Variants in STRBP observed in about 807,000 individuals in gnomAD.
STRBP encodes spermatid perinuclear RNA binding protein.
STRBP carries 13 observed loss-of-function variants against 80.1 expected under a neutral mutation model. The ratio of observed to expected loss-of-function variants is 0.16; its 90% CI spans 0.11 to 0.26. The LOEUF (loss-of-function observed/expected upper bound fraction) is 0.26. STRBP is among the 10% of genes least tolerant of loss of function. The probability of loss-of-function intolerance (pLI) is 1.00; values close to 1 mark genes in which losing one functional copy is unlikely to be tolerated. For synonymous variants in STRBP, 284 were observed against 291.2 expected, an observed-to-expected ratio of 0.98 and a Z score of 0.25; for missense variants, 485 against 815.2, an observed-to-expected ratio of 0.59 and a Z score of 4.93.
At chr9:123,238,668 T>C (rs1220028562) in intron 1 of STRBP, among the ~76,000 whole-genome samples, 1 of 152,136 alleles carries the variant, frequency 6.6e-6, no homozygotes, top group Non-Finnish European at 1.5e-5. Flanking sequence ...AATTGATAAA[T>C]AGTTAAGATT....
At chr9:123,128,182 A>AGT in intron 18 of STRBP, 32 bp downstream of exon 18, 2 of 1,613,390 alleles carry the variant, frequency 1.2e-6, no homozygotes, top group South Asian at 2.2e-5. Context: ...GACAGTCGCT[A>AGT]AGAGGAGATA....
At chr9:123,190,763 C>T (rs1323414826) in intron 2 of STRBP, among the ~76,000 whole-genome samples, 1 of 152,210 alleles carries the variant, frequency 6.6e-6, no homozygotes, top group Non-Finnish European at 1.5e-5. Flanking sequence ...TGAATATTTA[C>T]TGTCAGTGAG....
At chr9:123,212,783 T>C (rs2039756310) in intron 2 of STRBP, 1 of 152,230 alleles carries the variant, frequency 6.6e-6, no homozygotes, top group Non-Finnish European at 1.5e-5. Flanking sequence ...TACAGCGTTA[T>C]ACAAAGCAAT....
chr9:123,202,279 T>C (rs2039354712), intron 2 of STRBP, among the ~76,000 whole-genome samples: 1 of 152,212 alleles, frequency 6.6e-6, no homozygotes, highest in African/African-American at 2.4e-5. Context: ...AGTTTGTTTG[T>C]TTGCTTTTTT....
In STRBP at chr9:123,197,667, CTTTTTTTTTTTTT is replaced by C. The variant is rs71388358; in HGVS notation, c.-164-13382_-164-13370del. Among the ~76,000 whole-genome samples, 8 of 87,382 alleles carry C rather than the reference CTTTTTTTTTTTTT, an allele frequency of 9.2e-5. No individual in the cohort carries two copies. In the South Asian group the frequency reaches 2.3e-3, roughly 25 times the overall value. The allele number at this position is 87,382 out of a possible 152,430, so 57.3% of individuals were successfully genotyped here. A position where few individuals can be genotyped will look rare whatever the true frequency, so the allele number is the denominator to read the frequency against. Reference sequence around the variant, plus strand: ...ATACAAGTTGCTGTGAAACATATTTCTTTTTTTTTTTTTTTTTTTTTTTTTGACACGGAGTCTC... The same window carrying C: ...ATACAAGTTGCTGTGAAACATATTTCTTTTTTTTTTTTGACACGGAGTCTC... On this transcript the variant is annotated intron_variant, in intron 2 of 18. Coordinates refer to ENST00000348403, the MANE Select transcript of STRBP (RefSeq NM_018387.5).
intron 2 of STRBP, among the ~76,000 whole-genome samples, chr9:123,229,064 G>A (rs1256511023): frequency 6.6e-6 from 1 of 152,162 alleles, no homozygotes; most frequent in East Asian, 1.9e-4. Context: ...ATTATGCTAA[G>A]GGAAAGAAGC....
At chr9:123,130,288 T>G (rs571057844) in intron 17 of STRBP, among the ~76,000 whole-genome samples, 1 of 152,310 alleles carries the variant, frequency 6.6e-6, no homozygotes, top group East Asian at 1.9e-4. Context: ...ACTGTGCAAA[T>G]GGTATATAAC....
chr9:123,154,623 T>C (rs1440452801), intron 11 of STRBP, among the ~76,000 whole-genome samples: 4 of 152,158 alleles, frequency 2.6e-5, no homozygotes, highest in Non-Finnish European at 4.4e-5. Context: ...CTATATCTCA[T>C]TATAAAATAA....
intron 2 of STRBP, among the ~76,000 whole-genome samples, chr9:123,212,938 A>T (rs1302969855): frequency 6.6e-6 from 1 of 152,258 alleles, no homozygotes; most frequent in Non-Finnish European, 1.5e-5. Context: ...GGCAGAGATT[A>T]AGTGCAAATT....
chr9:123,129,097 C>T (rs1000884465), intron 17 of STRBP, among the ~76,000 whole-genome samples: 27 of 152,232 alleles, frequency 1.8e-4, no homozygotes, highest in African/African-American at 6.0e-4. Context: ...TGGCTCATGC[C>T]TGTAATCCCA....
chr9:123,148,029 G>T (rs1003411315), intron 11 of STRBP, among the ~76,000 whole-genome samples, 159 bp from the exon 12 acceptor site: 12 of 152,072 alleles, frequency 7.9e-5, no homozygotes, highest in African/African-American at 2.9e-4. Flanking sequence ...TTATAATCTA[G>T]AAAAGCAAAA....
chr9:123,226,162 A>C (rs2040229174), intron 2 of STRBP, among the ~76,000 whole-genome samples: 1 of 152,190 alleles, frequency 6.6e-6, no homozygotes, highest in Non-Finnish European at 1.5e-5. Context: ...TAAATGAAAG[A>C]GGTTTGACTA....
chr9:123,142,067 C>T (rs1182784673), intron 13 of STRBP, among the ~76,000 whole-genome samples: 1 of 152,148 alleles, frequency 6.6e-6, no homozygotes, highest in African/African-American at 2.4e-5. Context: ...ATTTAATCAC[C>T]CTCCATCACC....
chr9:123,135,752 C>T (rs2036326224), intron 16 of STRBP: 2 of 214,592 alleles, frequency 9.3e-6, no homozygotes, highest in Non-Finnish European at 9.3e-6. Context: ...CACCTCAAAA[C>T]CTGACTTCAT....
downstream of STRBP, among the ~76,000 whole-genome samples, chr9:123,118,817 A>T (rs916653625): frequency 1.3e-5 from 2 of 152,218 alleles, no homozygotes; most frequent in Non-Finnish European, 2.9e-5. Flanking sequence ...ACAGCCAAGG[A>T]TGCATCTGAC....
chr9:123,256,394 C>A (rs1415967201), intron 1 of STRBP, among the ~76,000 whole-genome samples: 1 of 152,090 alleles, frequency 6.6e-6, no homozygotes, highest in Admixed American at 6.6e-5. Flanking sequence ...AGTAAGTTGT[C>A]ATTTAATGTA....
chr9:123,134,355 T>C (rs913274272), intron 16 of STRBP, among the ~76,000 whole-genome samples: 1 of 152,186 alleles, frequency 6.6e-6, no homozygotes, highest in African/African-American at 2.4e-5. Context: ...AAATGCAACA[T>C]CCTTTATTCT....
At chr9:123,167,954 T>A (rs1414239706) in intron 6 of STRBP, among the ~76,000 whole-genome samples, 1 of 151,918 alleles carries the variant, frequency 6.6e-6, no homozygotes, top group Non-Finnish European at 1.5e-5. Context: ...AAATCTCATA[T>A]AAGTACACAA....
intron 1 of STRBP, among the ~76,000 whole-genome samples, chr9:123,255,880 T>C (rs2041016975): frequency 6.6e-6 from 1 of 152,140 alleles, no homozygotes; most frequent in East Asian, 1.9e-4. Context: ...CTCACTTCTC[T>C]TGGGCTCCCT....
Sources: allele counts gnomAD v4.1 joint callset (sites outside exome capture counted in the v4.1 genomes callset), GRCh38; gene constraint gnomAD v4.1.1; transcripts MANE v1.5; gene names NCBI Gene and HGNC (gene_info 2026-07-23, HGNC 2026-07-21).